The following GLT1D1 variants were observed in gnomAD, a reference collection of about 807,000 sequenced individuals.
GLT1D1 encodes glycosyltransferase 1 domain containing 1.
A neutral mutation model predicts 28.7 loss-of-function variants in GLT1D1; 21 were observed. That is an observed-to-expected ratio of 0.73 (90% CI 0.52 to 1.05). GLT1D1 has a LOEUF of 1.05. Ranked by LOEUF, GLT1D1 falls within the 50% of genes least tolerant of loss-of-function variation. GLT1D1 has a pLI of 0.00. For missense variants in GLT1D1, 343 were observed against 330.6 expected (o/e 1.04, Z -0.29); for synonymous variants, 147 against 124.8 (o/e 1.18, Z -1.19).
rs768773432 is a variant in GLT1D1, at chr12:128,888,756, G to A, written c.323+12G>A. The A allele has an allele frequency of 1.4e-5, 21 of 1,512,924 alleles. No individual in the cohort carries two copies. The highest frequency in any genetic ancestry group is 4.5e-5 in the South Asian group (4 of 88,216). 93.7% of individuals were successfully genotyped at this position (1,512,924 alleles called of 1,614,324 possible). Reference sequence around the variant, plus strand: ...CTTGAGGAAGCCAGGTAATACCTGCGAGAATTTCATCCATGCCAAACATTT... The same window carrying A: ...CTTGAGGAAGCCAGGTAATACCTGCAAGAATTTCATCCATGCCAAACATTT... On this transcript the variant is annotated intron_variant, in intron 3 of 7. Coordinates refer to ENST00000281703, the MANE Select transcript of GLT1D1 (RefSeq NM_144669.3).
intron 6 of GLT1D1, among the ~76,000 whole-genome samples, chr12:128,952,239 C>T (rs1366984562): frequency 2.0e-5 from 3 of 151,776 alleles, no homozygotes; most frequent in African/African-American, 4.9e-5. Context: ...GAGGAGGAAG[C>T]GCAGCAGCAC....
intron 2 of GLT1D1, among the ~76,000 whole-genome samples, chr12:128,887,411 G>A (rs1286487676): frequency 3.3e-5 from 5 of 151,700 alleles, no homozygotes; most frequent in Non-Finnish European, 7.4e-5. Context: ...ATATAGAAAT[G>A]TGTGTTTATG....
At chr12:128,918,172 G>A (rs1393354801) in intron 4 of GLT1D1, among the ~76,000 whole-genome samples, 2 of 152,176 alleles carry the variant, frequency 1.3e-5, no homozygotes, top group Non-Finnish European at 2.9e-5. Flanking sequence ...CATGGATGAA[G>A]CTGGAAGCCG....
chr12:128,898,306 G>T (rs1869880645), intron 3 of GLT1D1, among the ~76,000 whole-genome samples: 1 of 152,062 alleles, frequency 6.6e-6, no homozygotes, highest in South Asian at 2.1e-4. Flanking sequence ...CTGAGTAGCT[G>T]GGACTACAAG....
chr12:128,972,061 G>C (rs568320499), intron 7 of GLT1D1, among the ~76,000 whole-genome samples: 1 of 152,024 alleles, frequency 6.6e-6, no homozygotes, highest in African/African-American at 2.4e-5. Flanking sequence ...CCACATGTCT[G>C]AATGAGCAAG....
chr12:128,953,768 C>T (rs2135507464), intron 6 of GLT1D1, among the ~76,000 whole-genome samples: 1 of 149,502 alleles, frequency 6.7e-6, no homozygotes, highest in East Asian at 2.0e-4. Flanking sequence ...GTCTCCGAAA[C>T]AGAGTCTCAC....
At chr12:128,874,124 C>CTTTCTTTCTTTCTTTCTT (rs1352539357) in intron 1 of GLT1D1, among the ~76,000 whole-genome samples, 2 of 39,282 alleles carry the variant, frequency 5.1e-5, no homozygotes, top group African/African-American at 2.2e-4. Context: ...CTCTCTCTCT[C>CTTTCTTTCTTTCTTTCTT]TCTTTCTTTC....
At chr12:128,889,037 G>C (rs1868720422) in intron 3 of GLT1D1, among the ~76,000 whole-genome samples, 1 of 152,178 alleles carries the variant, frequency 6.6e-6, no homozygotes, top group Non-Finnish European at 1.5e-5. Context: ...CCAGCTGCTT[G>C]GGAGGCTGAG....
chr12:128,880,118 C>T (rs1203865123), intron 2 of GLT1D1, among the ~76,000 whole-genome samples: 2 of 152,174 alleles, frequency 1.3e-5, no homozygotes, highest in Non-Finnish European at 1.5e-5. Context: ...TATTCCAGTT[C>T]GTATTCTACT....
At chr12:128,947,935 G>A (rs975096071) in intron 6 of GLT1D1, among the ~76,000 whole-genome samples, 1 of 152,174 alleles carries the variant, frequency 6.6e-6, no homozygotes, top group Non-Finnish European at 1.5e-5. Flanking sequence ...ATGACGGGGT[G>A]GCGTGGGGGC....
At chr12:128,959,579 C>T (rs1047091732) in intron 7 of GLT1D1, among the ~76,000 whole-genome samples, 1 of 151,966 alleles carries the variant, frequency 6.6e-6, no homozygotes, top group East Asian at 1.9e-4. Flanking sequence ...AGGGAAATAG[C>T]AAAGGTGGGA....
At chr12:128,899,958 G>A (rs1870063838) in intron 4 of GLT1D1, among the ~76,000 whole-genome samples, 1 of 152,208 alleles carries the variant, frequency 6.6e-6, no homozygotes, top group Non-Finnish European at 1.5e-5. Flanking sequence ...GACAGAGGTA[G>A]TTTCCTGGGT....
At position 128,875,990 on chromosome 12, in the gene GLT1D1, A is replaced by C; in HGVS notation, c.145A>C (p.Asn49His). ...CTTTGAAAGCCGATCTGAGATTGCA[A>C]ACCTCATCTTGGCTGAGAACTGCGA... is the stretch of plus-strand genomic sequence containing the variant. The change falls in exon 2 of 8, where the codon AAC becomes CAC. Residue 49 changes from asparagine to histidine, a missense_variant. Transcript: ENST00000281703. 6.2e-7 allele frequency: 1 copy of C among 1,613,974 alleles called. No homozygotes were observed. The highest frequency in any genetic ancestry group is 8.5e-7 in the Non-Finnish European group (1 of 1,179,926).
At chr12:128,913,530 A>G (rs1457002169) in intron 4 of GLT1D1, among the ~76,000 whole-genome samples, 2 of 152,110 alleles carry the variant, frequency 1.3e-5, no homozygotes, top group African/African-American at 2.4e-5. Flanking sequence ...CTCTCTAAAC[A>G]CAGTTTGTAA....
chr12:128,973,750 AGCC>A (rs1217975716), intron 7 of GLT1D1, among the ~76,000 whole-genome samples: 1 of 152,100 alleles, frequency 6.6e-6, no homozygotes, highest in African/African-American at 2.4e-5. Flanking sequence ...CCTTTCAGCC[AGCC>A]GGGTGTGTGT....
intron 1 of GLT1D1, among the ~76,000 whole-genome samples, chr12:128,868,480 T>C (rs545946897): frequency 6.6e-6 from 1 of 152,278 alleles, no homozygotes; most frequent in East Asian, 1.9e-4. Context: ...CTCGTCCGTA[T>C]GGAGAAGGGA....
intron 3 of GLT1D1, 58 bp from the exon 4 acceptor site, chr12:128,899,178 T>A (rs188637203): frequency 0.058 from 74,766 of 1,278,930 alleles, 2,647 homozygotes; most frequent in Middle Eastern, 0.11. Flanking sequence ...AGCTGTTTCA[T>A]AGTTCTTTTA....
At chr12:128,973,815 G>T (rs1879475739) in intron 7 of GLT1D1, among the ~76,000 whole-genome samples, 1 of 152,040 alleles carries the variant, frequency 6.6e-6, no homozygotes, top group Admixed American at 6.6e-5. Flanking sequence ...GAGCGAATGA[G>T]AAGCACAGAA....
Position 128,944,753 on chromosome 12 carries a change from A to C in GLT1D1, c.376-573A>C, listed in dbSNP as rs573585346. 1.1e-5 allele frequency: 6 copies of C among 533,844 alleles called. No homozygotes were observed. The Admixed American group carries it at 1.3e-4, about 12-fold the overall frequency. 33.1% of individuals were successfully genotyped at this position (533,844 alleles called of 1,614,324 possible). The stretch of plus-strand genomic sequence containing the variant: ...CGCCAAGATGACATCATTTGGGATG[A>C]GTTTCCCTTGGTCAATGAAAGCCTT... On this transcript the variant is annotated intron_variant, in intron 4 of 7. Transcript: ENST00000281703.
Sources: gnomAD v4.1 joint callset for allele counts (sites outside exome capture counted in the v4.1 genomes callset) on GRCh38, gnomAD v4.1.1 for gene constraint, MANE v1.5 for transcripts, NCBI Gene and HGNC (gene_info 2026-07-23, HGNC 2026-07-21) for gene names.